The following ANAPC10 variants were observed in gnomAD, a reference collection of about 807,000 sequenced individuals.
ANAPC10 encodes the protein anaphase promoting complex subunit 10.
In ANAPC10, 12 loss-of-function variants were observed where a neutral mutation model predicts 22.0. The observed-to-expected ratio is 0.55, with a 90% CI of 0.35 to 0.88. ANAPC10 has a LOEUF of 0.88. ANAPC10 is among the 40% of genes least tolerant of loss of function. ANAPC10 has a pLI of 0.01. For synonymous variants in ANAPC10, 65 were observed against 69.5 expected, an observed-to-expected ratio of 0.94 and a Z score of 0.32; for missense variants, 188 against 220.9, an observed-to-expected ratio of 0.85 and a Z score of 0.94.
At chr4:145,019,018 A>G (rs1170971591) in intron 4 of ANAPC10, among the ~76,000 whole-genome samples, 2 of 152,236 alleles carry the variant, frequency 1.3e-5, no homozygotes, top group Non-Finnish European at 2.9e-5. Context: ...TAAATACTCC[A>G]CTGACAGCAC....
chr4:145,096,756 C>G (rs1406167043), intron 1 of ANAPC10, among the ~76,000 whole-genome samples: 1 of 151,880 alleles, frequency 6.6e-6, no homozygotes, highest in Non-Finnish European at 1.5e-5. Context: ...AGCTATGTTA[C>G]CCAGGCTGGT....
intron 4 of ANAPC10, among the ~76,000 whole-genome samples, chr4:145,016,643 A>G (rs1255918965): frequency 1.3e-5 from 2 of 152,224 alleles, no homozygotes; most frequent in African/African-American, 4.8e-5. Flanking sequence ...ATGGAACCAA[A>G]AGGGAGTCCA....
intron 3 of ANAPC10, among the ~76,000 whole-genome samples, chr4:145,079,675 C>G (rs1363101407): frequency 6.6e-6 from 1 of 152,176 alleles, no homozygotes; most frequent in Non-Finnish European, 1.5e-5. Flanking sequence ...TGTAAACATA[C>G]ACCATGGAAC....
At chr4:145,010,828 A>T (rs2126919570) in intron 4 of ANAPC10, among the ~76,000 whole-genome samples, 1 of 152,276 alleles carries the variant, frequency 6.6e-6, no homozygotes, top group African/African-American at 2.4e-5. Context: ...TATAATAAAA[A>T]ATAAATAAAT....
At chr4:145,032,406 A>G (rs902699414) in intron 4 of ANAPC10, among the ~76,000 whole-genome samples, 1 of 152,226 alleles carries the variant, frequency 6.6e-6, no homozygotes, top group Non-Finnish European at 1.5e-5. Flanking sequence ...TGATTGGAAA[A>G]TTGGTGACCA....
At chr4:145,084,950 T>C (rs964815744) in intron 2 of ANAPC10, among the ~76,000 whole-genome samples, 6 of 152,226 alleles carry the variant, frequency 3.9e-5, no homozygotes, top group Non-Finnish European at 5.9e-5. Flanking sequence ...GAAACTTGTA[T>C]ATATATTTCA....
chr4:145,052,819 C>A (rs1208144669), intron 4 of ANAPC10, among the ~76,000 whole-genome samples: 3 of 147,386 alleles, frequency 2.0e-5, no homozygotes, highest in Non-Finnish European at 4.4e-5. Flanking sequence ...ACCTGGGAGG[C>A]GAAGGTTGCA....
At chr4:145,002,443 A>G (rs755627283) in intron 4 of ANAPC10, among the ~76,000 whole-genome samples, 1 of 150,752 alleles carries the variant, frequency 6.6e-6, no homozygotes, top group Non-Finnish European at 1.5e-5. Context: ...AACATGGTCA[A>G]ATCATTCATT....
At chr4:145,061,836 G>A (rs906258880) in intron 4 of ANAPC10, among the ~76,000 whole-genome samples, 17 of 152,184 alleles carry the variant, frequency 1.1e-4, no homozygotes, top group South Asian at 2.1e-4. Flanking sequence ...GGCCAGGCGC[G>A]GTGGCTCAAA....
intron 2 of ANAPC10, among the ~76,000 whole-genome samples, chr4:145,094,607 A>C (rs1279634149): frequency 6.6e-6 from 1 of 152,240 alleles, no homozygotes; most frequent in African/African-American, 2.4e-5. Flanking sequence ...TCTGAAAGAA[A>C]GATGACTACT....
At chr4:145,037,946 CAAA>C (rs36071811) in intron 4 of ANAPC10, among the ~76,000 whole-genome samples, 7 of 71,638 alleles carry the variant, frequency 9.8e-5, no homozygotes, top group Admixed American at 1.5e-4. Context: ...AACCCTGTCT[CAAA>C]AAAAAAAAAA....
At chr4:145,095,651 G>A (rs929764125) in intron 2 of ANAPC10, among the ~76,000 whole-genome samples, 14 of 152,038 alleles carry the variant, frequency 9.2e-5, no homozygotes, top group Middle Eastern at 3.2e-3. Context: ...TCACATCATC[G>A]CAGGAGGAAG....
chr4:145,066,957 A>C (rs926846365), intron 3 of ANAPC10, among the ~76,000 whole-genome samples: 1 of 152,298 alleles, frequency 6.6e-6, no homozygotes, highest in Non-Finnish European at 1.5e-5. Context: ...AGTAATAGGT[A>C]GGTGTCTGTA....
intron 3 of ANAPC10, among the ~76,000 whole-genome samples, chr4:145,077,637 C>T (rs985247023): frequency 6.6e-6 from 1 of 152,104 alleles, no homozygotes; most frequent in African/African-American, 2.4e-5. Context: ...TACTAGCAAA[C>T]TGAAACCAGC....
intron 1 of ANAPC10, chr4:145,097,463 C>T: frequency 7.8e-7 from 1 of 1,285,400 alleles, no homozygotes; most frequent in African/African-American, 1.5e-5. Flanking sequence ...GTTATATATG[C>T]TATTCAAAAT....
chr4:145,097,397 G>A, intron 1 of ANAPC10: 1 of 959,910 alleles, frequency 1.0e-6, no homozygotes, highest in Non-Finnish European at 1.4e-6. Context: ...TTCAATACTG[G>A]ATCGTGAACA....
rs1739327201 is a variant in ANAPC10, at chr4:145,040,328, A to G, written c.327+24244T>C. ...CACACCCAGCTAATTTTGTATTGTT[A>G]ATAGAGACGGGGTTTCTCCATGTTG... On this transcript the variant is annotated intron_variant, in intron 4 of 4. Coordinates refer to ENST00000507656, the MANE Select transcript of ANAPC10 (RefSeq NM_001256706.2). Among the ~76,000 whole-genome samples, 4 of 152,098 alleles carry G rather than the reference A, an allele frequency of 2.6e-5. No individual in the cohort carries two copies. In the South Asian group the frequency reaches 8.3e-4, roughly 32 times the overall value.
At chr4:144,995,953 G>GAC (rs1731538892) in intron 4 of ANAPC10, among the ~76,000 whole-genome samples, 2 of 152,202 alleles carry the variant, frequency 1.3e-5, no homozygotes, top group South Asian at 4.1e-4. Context: ...TGGCTGACTA[G>GAC]ACACAAGTAG....
chr4:145,040,984 C>T (rs17019852), intron 4 of ANAPC10, among the ~76,000 whole-genome samples: 2 of 151,774 alleles, frequency 1.3e-5, no homozygotes, highest in East Asian at 1.9e-4. Context: ...TACAGATCTA[C>T]GCAGAGGTAA....
Sources: allele counts gnomAD v4.1 joint callset (sites outside exome capture counted in the v4.1 genomes callset), GRCh38; gene constraint gnomAD v4.1.1; transcripts MANE v1.5; gene names NCBI Gene and HGNC (gene_info 2026-07-23, HGNC 2026-07-21).